Variants in RESF1 observed in about 807,000 individuals in gnomAD.
RESF1 encodes the protein retroelement silencing factor 1, also known as gonad expressed transcript.
In RESF1, 65 loss-of-function variants were observed where a neutral mutation model predicts 134.7. The observed-to-expected ratio is 0.48, with a 90% CI of 0.40 to 0.59. RESF1 has a LOEUF of 0.59. Ranked by LOEUF, RESF1 falls within the 20% of genes least tolerant of loss-of-function variation. The probability of loss-of-function intolerance (pLI) is 0.00; values close to 1 mark genes in which losing one functional copy is unlikely to be tolerated. For synonymous variants in RESF1, 762 were observed against 702.2 expected (o/e 1.09, Z -1.35); for missense variants, 2,274 against 2,002.7 (o/e 1.14, Z -2.59).
intron 5 of RESF1, among the ~76,000 whole-genome samples, chr12:31,991,568 T>A (rs1426782242): frequency 6.6e-6 from 1 of 152,228 alleles, no homozygotes; most frequent in Non-Finnish European, 1.5e-5. Context: ...ATGAAAGTGA[T>A]ACACATTCAG....
At chr12:31,978,408 A>C (rs943115309) in intron 3 of RESF1, among the ~76,000 whole-genome samples, 2 of 149,456 alleles carry the variant, frequency 1.3e-5, no homozygotes, top group African/African-American at 4.8e-5. Flanking sequence ...TATACCAGCT[A>C]GGATCTCCAG....
chr12:31,960,077 G>T (rs1939225172), intron 1 of RESF1, among the ~76,000 whole-genome samples: 1 of 151,924 alleles, frequency 6.6e-6, no homozygotes, highest in Non-Finnish European at 1.5e-5. Context: ...GTCCGCGAAC[G>T]CTTCTGCGCC....
At chr12:31,973,112 G>C (rs1939551358) in intron 3 of RESF1, among the ~76,000 whole-genome samples, 1 of 152,092 alleles carries the variant, frequency 6.6e-6, no homozygotes, top group Non-Finnish European at 1.5e-5. Context: ...CAGAGATCTT[G>C]GGGCGAGAAT....
intron 2 of RESF1, among the ~76,000 whole-genome samples, chr12:31,967,710 T>A (rs2120775530): frequency 6.6e-6 from 1 of 150,596 alleles, no homozygotes; most frequent in South Asian, 2.1e-4. Flanking sequence ...TTGTTAATGC[T>A]CATGATCACG....
intron 3 of RESF1, among the ~76,000 whole-genome samples, chr12:31,978,433 G>C (rs563354050): frequency 1.2e-4 from 19 of 152,194 alleles, no homozygotes; most frequent in Admixed American, 2.6e-4. Flanking sequence ...ATGATTAATG[G>C]AGGGATAGTG....
chr12:31,982,094 C>T lies in RESF1; in HGVS notation c.1139C>T (p.Ser380Leu). The part of the protein sequence containing the change: ...EKIMDSCNPT[S>L]NQVLDTSVAK... ...ATAATGGATTCTTGCAATCCAACTT[C>T]AAATCAAGTACTGGACACAAGTGTT... The change falls in exon 4 of 6, where the codon TCA becomes TTA. Residue 380 changes from serine to leucine, a missense_variant. By Grantham distance (145) the Ser-to-Leu change is moderately radical. Transcript: ENST00000312561. The T allele has an allele frequency of 6.2e-7, 1 of 1,614,076 alleles. No homozygotes were observed.
rs1489789950 is a variant in RESF1, at chr12:31,981,865, G to A, written c.910G>A (p.Glu304Lys). ...GCATATTACTAAACACTTGTCTATG[G>A]AAGTTCCTCAGAGTCGAGAAATGCT... Reference protein sequence around the residue: ...TQHITKHLSMEVPQSREMLSS... With the variant: ...TQHITKHLSMKVPQSREMLSS... The change falls in exon 4 of 6, where the codon GAA becomes AAA. Residue 304 changes from glutamate (E) to lysine (K), a missense_variant. Coordinates refer to ENST00000312561, the MANE Select transcript of RESF1 (RefSeq NM_018169.4). 6.2e-7 allele frequency: 1 copy of A among 1,614,068 alleles called. No individual in the cohort carries two copies.
In RESF1 at chr12:31,983,569, G is replaced by A. The variant is rs555123082; in HGVS notation, c.2614G>A (p.Asp872Asn). The change falls in exon 4 of 6, where the codon GAT becomes AAT. Residue 872 changes from aspartate (D) to asparagine (N), a missense_variant. By Grantham distance (23) the Asp-to-Asn change is conservative. Transcript: ENST00000312561. ...LESAIHSPMN[D>N]QQISQESRNS... ...GTCAGCTATCCATTCTCCTATGAAC[G>A]ATCAGCAAATCTCACAGGAGTCAAG... 1.5e-5 allele frequency: 24 copies of A among 1,613,986 alleles called. No individual in the cohort carries two copies. The highest frequency in any genetic ancestry group is 3.3e-5 in the South Asian group (3 of 91,074).
At position 31,983,507 on chromosome 12, in the gene RESF1, C is replaced by T. The variant is rs371141683; in HGVS notation, c.2552C>T (p.Thr851Ile). The change falls in exon 4 of 6, where the codon ACA becomes ATA. Residue 851 changes from threonine to isoleucine, a missense_variant. Coordinates refer to ENST00000312561, the MANE Select transcript of RESF1 (RefSeq NM_018169.4). ...NESTNGNSEVTPNVNQGKHNK... is the reference protein window; with the variant it reads ...NESTNGNSEVIPNVNQGKHNK... ...TCAACTAATGGTAATTCAGAAGTCA[C>T]ACCTAATGTCAATCAAGGAAAGCAT... 1.9e-6 allele frequency: 3 copies of T among 1,613,982 alleles called. No individual in the cohort carries two copies. The highest frequency in any genetic ancestry group is 2.7e-5 in the African/African-American group (2 of 74,932).
intron 2 of RESF1, among the ~76,000 whole-genome samples, chr12:31,969,970 G>C (rs544584133): frequency 5.3e-5 from 8 of 152,248 alleles, no homozygotes; most frequent in Admixed American, 2.0e-4. Flanking sequence ...TAGTAATATG[G>C]TTATTTCCTA....
Position 31,982,096 on chromosome 12 carries a change from A to C in RESF1, c.1141A>C (p.Asn381His). The C allele has an allele frequency of 6.2e-7, 1 of 1,614,180 alleles. No homozygotes were observed. Among genetic ancestry groups the C allele is most frequent in the African/African-American group, 1.3e-5 (1 of 75,060 alleles). Residue 381 changes from asparagine to histidine, a missense_variant, in exon 4 of 6, where the codon AAT becomes CAT. Asn to His is a moderately conservative substitution (Grantham distance 68, BLOSUM62 1). Coordinates refer to ENST00000312561, the MANE Select transcript of RESF1 (RefSeq NM_018169.4). The part of the protein sequence containing the change: ...KIMDSCNPTS[N>H]QVLDTSVAKE... ...AATGGATTCTTGCAATCCAACTTCA[A>C]ATCAAGTACTGGACACAAGTGTTGC...
chr12:31,979,190 G>A (rs1314861797), intron 3 of RESF1, among the ~76,000 whole-genome samples: 2 of 152,194 alleles, frequency 1.3e-5, no homozygotes, highest in Non-Finnish European at 2.9e-5. Flanking sequence ...AAAATGCTGG[G>A]ATTACAGGCG....
At position 31,981,418 on chromosome 12, in the gene RESF1, C is replaced by CA; in HGVS notation, c.465dup (p.Leu156ThrfsTer17). Reference sequence around the variant, plus strand: ...ACCCAATATGCCGGCACTACAGAGTCAACTGATAACATCAGATACCTATTC... The same window carrying CA: ...ACCCAATATGCCGGCACTACAGAGTCAAACTGATAACATCAGATACCTATTC... On this transcript the variant is annotated frameshift_variant, in exon 4 of 6. Coordinates refer to ENST00000312561, the MANE Select transcript of RESF1 (RefSeq NM_018169.4). LOFTEE classifies it high-confidence loss of function. The CA allele has an allele frequency of 6.2e-7, 1 of 1,613,972 alleles. No homozygotes were observed.
intron 2 of RESF1, among the ~76,000 whole-genome samples, chr12:31,964,221 A>G (rs1939344815): frequency 6.7e-5 from 7 of 104,740 alleles, no homozygotes; most frequent in Admixed American, 6.4e-4. Context: ...GGTTTGTGGA[A>G]CATTATTTAA....
intron 2 of RESF1, among the ~76,000 whole-genome samples, chr12:31,965,889 C>CAAAAAA (rs10665492): frequency 1.8e-5 from 2 of 114,044 alleles, no homozygotes; most frequent in Admixed American, 9.2e-5. Context: ...GACTTCGTCT[C>CAAAAAA]AAAAAAAAAA....
chr12:31,976,481 C>T (rs565729937), intron 3 of RESF1, among the ~76,000 whole-genome samples: 16 of 152,042 alleles, frequency 1.1e-4, no homozygotes, highest in East Asian at 9.7e-4. Flanking sequence ...GTCAGGAGTT[C>T]GAGACCAGCC....
intron 5 of RESF1, among the ~76,000 whole-genome samples, chr12:31,987,551 A>G (rs1028068346): frequency 6.6e-6 from 1 of 152,004 alleles, no homozygotes; most frequent in Admixed American, 6.6e-5. Context: ...GTCTTATCAC[A>G]ATGAGTTAGC....
rs146196489 is a variant in RESF1 at position 31,982,700 on chromosome 12, T to C, written c.1745T>C (p.Met582Thr). Residue 582 changes from methionine to threonine, a missense_variant, in exon 4 of 6, where the codon ATG (methionine) becomes ACG (threonine). Physicochemically the swap from Met to Thr is moderately conservative, Grantham distance 81. Coordinates refer to ENST00000312561, the MANE Select transcript of RESF1 (RefSeq NM_018169.4). ...EYKSKIQNENMLLLALLSQAR... is the reference protein window; with the variant it reads ...EYKSKIQNENTLLLALLSQAR... ...AAATCAAAAATTCAAAATGAAAATA[T>C]GCTACTTCTCGCTTTGCTTTCACAG... The C allele has an allele frequency of 2.1e-4, 340 of 1,614,002 alleles. No homozygotes were observed. In the African/African-American group the frequency reaches 3.7e-3, roughly 17 times the overall value.
intron 3 of RESF1, among the ~76,000 whole-genome samples, chr12:31,976,261 TAAAA>T (rs761498771): frequency 6.6e-6 from 1 of 152,058 alleles, no homozygotes; most frequent in Non-Finnish European, 1.5e-5. Flanking sequence ...TCTTGTGCAG[TAAAA>T]AAAATCCACA....
Sources: gnomAD v4.1 joint callset for allele counts (sites outside exome capture counted in the v4.1 genomes callset) on GRCh38, gnomAD v4.1.1 for gene constraint, MANE v1.5 for transcripts, NCBI Gene and HGNC (gene_info 2026-07-23, HGNC 2026-07-21) for gene names.